Variants in QRFPR observed in about 807,000 individuals in gnomAD.
QRFPR encodes the protein pyroglutamylated RFamide peptide receptor, also known as pyroglutamylated RF-amide peptide receptor.
A neutral mutation model predicts 31.3 loss-of-function variants in QRFPR; 37 were observed. The ratio of observed to expected loss-of-function variants is 1.18; its 90% CI spans 0.91 to 1.56. The LOEUF (loss-of-function observed/expected upper bound fraction) is 1.56, where lower values mean the gene tolerates loss of function less well. Ranked by LOEUF, QRFPR falls within the 40% of genes most tolerant of loss-of-function variation. The pLI is 0.00. For missense variants in QRFPR, 542 were observed against 532.5 expected (o/e 1.02, Z -0.18); for synonymous variants, 197 against 192.0 (o/e 1.03, Z -0.22).
chr4:121,365,466 A>T (rs1726074108), intron 1 of QRFPR, among the ~76,000 whole-genome samples: 1 of 76,130 alleles, frequency 1.3e-5, no homozygotes, highest in Admixed American at 1.8e-4. Context: ...AAATAATAAT[A>T]AATAAATTAA....
intron 1 of QRFPR, among the ~76,000 whole-genome samples, chr4:121,364,317 G>T (rs1358571905): frequency 6.7e-6 from 1 of 150,146 alleles, no homozygotes; most frequent in Non-Finnish European, 1.5e-5. Flanking sequence ...AGAGAAAGGG[G>T]TTCTAAGGCA....
At chr4:121,337,353 G>T (rs1202624678) in intron 2 of QRFPR, among the ~76,000 whole-genome samples, 1 of 152,158 alleles carries the variant, frequency 6.6e-6, no homozygotes, top group East Asian at 1.9e-4. Context: ...AACTTTGAAG[G>T]TCACTACTAT....
At chr4:121,344,056 G>A (rs1166005608) in intron 1 of QRFPR, among the ~76,000 whole-genome samples, 4 of 152,152 alleles carry the variant, frequency 2.6e-5, no homozygotes, top group East Asian at 3.8e-4. Flanking sequence ...TTTAATAAAT[G>A]GCAGCTCTTT....
chr4:121,336,845 T>C lies in QRFPR; in HGVS notation c.523A>G (p.Ile175Val). The change falls in exon 3 of 6, where the codon ATC becomes GTC. Residue 175 changes from isoleucine to valine, a missense_variant. Physicochemically the swap from Ile to Val is conservative, Grantham distance 29. Coordinates refer to ENST00000394427, the MANE Select transcript of QRFPR (RefSeq NM_198179.3). ...ACGTGCCACATGGGTGATCCTACGA[T>C]GACTGCCACCAGCCAGACCACACCT... ...MLGVVWLVAV[I>V]VGSPMWHVQQ... is the part of the protein sequence containing the mutation. 6.2e-7 allele frequency: 1 copy of C among 1,614,126 alleles called. No homozygotes were observed. Among genetic ancestry groups the C allele is most frequent in the Non-Finnish European group, 8.5e-7 (1 of 1,179,970 alleles).
At chr4:121,372,205 T>C (rs1381884947) in intron 1 of QRFPR, among the ~76,000 whole-genome samples, 1 of 152,088 alleles carries the variant, frequency 6.6e-6, no homozygotes, top group East Asian at 1.9e-4. Context: ...GGCTCCTCAA[T>C]AGGCTTTTCT....
At chr4:121,351,736 A>G (rs1336066249) in intron 1 of QRFPR, among the ~76,000 whole-genome samples, 1 of 152,108 alleles carries the variant, frequency 6.6e-6, no homozygotes, top group African/African-American at 2.4e-5. Flanking sequence ...AGCACATCAT[A>G]AAGTGAACTT....
chr4:121,380,189 G>A (rs1579596583), intron 1 of QRFPR, 119 bp downstream of exon 1: 1 of 117,930 alleles, frequency 8.5e-6, no homozygotes, highest in South Asian at 1.7e-4. Context: ...CGAGAGAGGA[G>A]AGAGAGAGAG....
chr4:121,356,419 T>C (rs1725871874), intron 1 of QRFPR, among the ~76,000 whole-genome samples: 1 of 152,178 alleles, frequency 6.6e-6, no homozygotes, highest in South Asian at 2.1e-4. Flanking sequence ...TGGTCACTGG[T>C]GCCTTATTTA....
chr4:121,369,516 G>A, intron 1 of QRFPR: 1 of 1,493,796 alleles, frequency 6.7e-7, no homozygotes. Context: ...TCCGTCACTG[G>A]GAAGTCCATC....
intron 4 of QRFPR, among the ~76,000 whole-genome samples, chr4:121,330,761 G>T (rs1725306308): frequency 1.3e-5 from 2 of 152,158 alleles, no homozygotes; most frequent in Non-Finnish European, 2.9e-5. Flanking sequence ...TGCATGACAT[G>T]GATAATGTCA....
In QRFPR at chr4:121,328,818, T is replaced by C. The variant is rs6821123; in HGVS notation, c.*496A>G. ...TCGCCCAGGCTGGAGTGCAGTGGCA[T>C]GATCTCGGATCACTGCAAGCTCCGC... On this transcript the variant is annotated 3_prime_UTR_variant, in exon 6 of 6. Transcript: ENST00000394427. 0.72 allele frequency among the ~76,000 whole-genome samples: 109,507 copies of C among 152,054 alleles called. 40,843 individuals are homozygous for C. The highest frequency in any genetic ancestry group is 0.91 in the East Asian group (4,707 of 5,152).
intron 1 of QRFPR, among the ~76,000 whole-genome samples, chr4:121,371,326 G>A (rs6842600): frequency 0.22 from 33,245 of 152,136 alleles, 4,152 homozygotes; most frequent in Non-Finnish European, 0.29. Context: ...TAGTTTTAAG[G>A]CATAAAATGA....
intron 2 of QRFPR, among the ~76,000 whole-genome samples, chr4:121,338,524 G>A (rs556591282): frequency 1.2e-4 from 18 of 152,294 alleles, no homozygotes; most frequent in South Asian, 4.1e-4. Context: ...TATTTTTTAA[G>A]TCATCAGCAA....
chr4:121,371,760 G>C (rs1726251548), intron 1 of QRFPR, among the ~76,000 whole-genome samples: 1 of 152,182 alleles, frequency 6.6e-6, no homozygotes, highest in African/African-American at 2.4e-5. Flanking sequence ...CCTTCCTATG[G>C]AAGAACTTCA....
rs140506789 is a variant in QRFPR at position 121,334,322 on chromosome 4, A to C, written c.562-1266T>G. Among the ~76,000 whole-genome samples the C allele has an allele frequency of 2.3e-3, 356 of 152,276 alleles. 2 individuals carry two copies. Among genetic ancestry groups the C allele is most frequent in the African/African-American group, 8.3e-3 (343 of 41,558 alleles). Reference sequence around the variant, plus strand: ...GGAAAATTTCAGATCTTTGATCTTCAATTTCAGATCTTCTATTTCCAAACA... The same window carrying C: ...GGAAAATTTCAGATCTTTGATCTTCCATTTCAGATCTTCTATTTCCAAACA... On this transcript the variant is annotated intron_variant, in intron 3 of 5. Transcript: ENST00000394427.
intron 1 of QRFPR, among the ~76,000 whole-genome samples, chr4:121,350,716 T>G (rs67657521): frequency 0.07 from 10,597 of 152,260 alleles, 451 homozygotes; most frequent in East Asian, 0.11. Context: ...ATATCATTTT[T>G]CTTATAATAT....
chr4:121,333,119 C>G, intron 3 of QRFPR, 63 bp from the exon 4 acceptor site: 1 of 1,086,146 alleles, frequency 9.2e-7, no homozygotes, highest in Non-Finnish European at 1.4e-6. Context: ...AGAAATCAGC[C>G]AAGTATTATT....
At chr4:121,365,075 T>C (rs765452940) in intron 1 of QRFPR, among the ~76,000 whole-genome samples, 7 of 149,766 alleles carry the variant, frequency 4.7e-5, no homozygotes, top group Non-Finnish European at 4.4e-5. Flanking sequence ...CTCTTCATCA[T>C]TGCTACAAAA....
intron 1 of QRFPR, among the ~76,000 whole-genome samples, chr4:121,372,996 A>C (rs1369616936): frequency 1.3e-5 from 2 of 152,142 alleles, no homozygotes; most frequent in African/African-American, 4.8e-5. Context: ...TGAAGACCTT[A>C]ATCCAGTTAT....
Sources: allele counts gnomAD v4.1 joint callset (sites outside exome capture counted in the v4.1 genomes callset), GRCh38; gene constraint gnomAD v4.1.1; transcripts MANE v1.5; gene names NCBI Gene and HGNC (gene_info 2026-07-23, HGNC 2026-07-21).